RNMT: variants seen among roughly 807,000 people sequenced by gnomAD.
RNMT encodes the protein RNA guanine-7 methyltransferase, also known as mRNA cap guanine-N(7) methyltransferase.
A neutral mutation model predicts 56.0 loss-of-function variants in RNMT; 27 were observed. That is an observed-to-expected ratio of 0.48 (90% CI 0.36 to 0.67). The LOEUF (loss-of-function observed/expected upper bound fraction) is 0.67. RNMT is among the 30% of genes least tolerant of loss of function. The pLI, the probability that RNMT is intolerant of heterozygous loss-of-function variation, is 0.00. For missense variants in RNMT, 519 were observed against 552.1 expected, an observed-to-expected ratio of 0.94 and a Z score of 0.60; for synonymous variants, 184 against 176.2, an observed-to-expected ratio of 1.04 and a Z score of -0.35.
rs2043960143 is a variant in RNMT at position 13,726,748 on chromosome 18, A to G, written c.-172+19A>G. The G allele has an allele frequency of 6.6e-6, 1 of 152,062 alleles. No homozygotes were observed. The highest frequency in any genetic ancestry group is 2.4e-5 in the African/African-American group (1 of 41,352). The allele number at this position is 152,062 out of a possible 1,614,324, so 9.4% of individuals were successfully genotyped here. A position where few individuals can be genotyped will look rare whatever the true frequency, so the allele number is the denominator to read the frequency against. ...TGTGCTGGTGAGTGTGACGGCTGGA[A>G]CTCCGGCCCTTCCTTTCTTTGTGTT... On this transcript the variant is annotated intron_variant, in intron 1 of 11. Coordinates refer to ENST00000383314, the MANE Select transcript of RNMT (RefSeq NM_003799.3).
Position 13,731,861 on chromosome 18 carries a change from A to C in RNMT, c.344A>C (p.Asp115Ala). Residue 115 changes from aspartate to alanine, a missense_variant, in exon 3 of 12, where the codon GAT (aspartate) becomes GCT (alanine). Transcript: ENST00000383314. ...AGAGAAACTGAGGATGTTCCAAAAG[A>C]TAAATCTTCTACTGGAGATGGCACT... ...RKRETEDVPK[D>A]KSSTGDGTQN... 1 of 1,612,534 alleles carries C rather than the reference A, an allele frequency of 6.2e-7. No individual in the cohort carries two copies. Among genetic ancestry groups the C allele is most frequent in the South Asian group, 1.1e-5 (1 of 90,598 alleles).
rs1175418234 is a variant in RNMT, at chr18:13,737,196, G to A, written c.679+61G>A. On this transcript the variant is annotated intron_variant, in intron 5 of 11. Coordinates refer to ENST00000383314, the MANE Select transcript of RNMT (RefSeq NM_003799.3). ...TAGTCAGATAAATGGAAAATAAGAA[G>A]GATTGTCTCAAATTGCAAGATATCT... The A allele has an allele frequency of 4.2e-6, 6 of 1,443,346 alleles. No homozygotes were observed. In the African/African-American group the frequency reaches 4.3e-5, roughly 10 times the overall value. The allele number at this position is 1,443,346 out of a possible 1,614,324, so 89.4% of individuals were successfully genotyped here. A position where few individuals can be genotyped will look rare whatever the true frequency, so the allele number is the denominator to read the frequency against.
chr18:13,741,033 T>G (rs2044243229), intron 6 of RNMT, among the ~76,000 whole-genome samples: 1 of 152,266 alleles, frequency 6.6e-6, no homozygotes, highest in African/African-American at 2.4e-5. Context: ...CTTCATTGAC[T>G]TATTGACTCA....
Position 13,762,007 on chromosome 18 carries a change from C to T in RNMT, c.*2028C>T. On this transcript the variant is annotated 3_prime_UTR_variant, in exon 12 of 12. Coordinates refer to ENST00000383314, the MANE Select transcript of RNMT (RefSeq NM_003799.3). ...CTAGTAGGACTCTTCCTTGACACAC[C>T]TTGTCGTCTAAATGTTCGGTATTCT... 1.3e-6 allele frequency: 2 copies of T among 1,535,848 alleles called. No individual in the cohort carries two copies. The highest frequency in any genetic ancestry group is 1.2e-5 in the South Asian group (1 of 84,048).
chr18:13,732,432 C>T lies in RNMT; in HGVS notation c.417+498C>T, dbSNP rs186342104. ...TAAAGGGATAACTTTTAAAATTATA[C>T]CTAGCTTTACATCCCTTTATTAATG... On this transcript the variant is annotated intron_variant, in intron 3 of 11. Coordinates refer to ENST00000383314, the MANE Select transcript of RNMT (RefSeq NM_003799.3). 1.3e-4 allele frequency among the ~76,000 whole-genome samples: 20 copies of T among 152,198 alleles called. No individual in the cohort carries two copies. In the East Asian group the frequency reaches 3.7e-3, roughly 28 times the overall value.
chr18:13,750,644 T>A (rs1187902184), intron 9 of RNMT, among the ~76,000 whole-genome samples: 3 of 152,020 alleles, frequency 2.0e-5, no homozygotes, highest in South Asian at 2.1e-4. Context: ...TACAAAAAAA[T>A]TTTTAAAAAT....
chr18:13,731,408 CAAA>C, intron 2 of RNMT, 65 bp from the exon 3 acceptor site: 15 of 645,454 alleles, frequency 2.3e-5, no homozygotes, highest in South Asian at 5.7e-5. Context: ...AACTCCGTCT[CAAA>C]AAAAAAAAAA....
intron 8 of RNMT, among the ~76,000 whole-genome samples, chr18:13,743,247 C>T (rs1276409048): frequency 4.0e-5 from 6 of 149,352 alleles, no homozygotes; most frequent in Admixed American, 6.7e-5. Flanking sequence ...GGCATGAACC[C>T]GGGAGGCGGA....
chr18:13,738,565 C>A (rs1370833412), intron 5 of RNMT, among the ~76,000 whole-genome samples: 1 of 152,148 alleles, frequency 6.6e-6, no homozygotes. Flanking sequence ...ACTTTTTATA[C>A]CGTGTAACAT....
chr18:13,730,551 A>C (rs1390375219), intron 1 of RNMT, 76 bp from the exon 2 acceptor site: 1 of 152,258 alleles, frequency 6.6e-6, no homozygotes, highest in South Asian at 2.1e-4. Flanking sequence ...CTGTTTAAAA[A>C]ATTAACACAC....
At chr18:13,753,991 A>G in intron 10 of RNMT, 123 bp from the exon 11 acceptor site, 1 of 597,370 alleles carries the variant, frequency 1.7e-6, no homozygotes, top group South Asian at 2.1e-5. Flanking sequence ...TTAACAGTGA[A>G]TCGAATGTGT....
chr18:13,739,776 A>C (rs999008070), intron 5 of RNMT, among the ~76,000 whole-genome samples: 7 of 152,046 alleles, frequency 4.6e-5, no homozygotes, highest in Non-Finnish European at 1.0e-4. Context: ...ATACAGCAAG[A>C]CTCTGTCTCA....
chr18:13,733,287 G>A (rs1437292811), intron 3 of RNMT, among the ~76,000 whole-genome samples: 4 of 152,120 alleles, frequency 2.6e-5, no homozygotes, highest in Non-Finnish European at 5.9e-5. Context: ...AGGGCCTCAG[G>A]AAGCACAAAT....
At chr18:13,746,567 A>G (rs1286195283) in intron 9 of RNMT, among the ~76,000 whole-genome samples, 2 of 152,238 alleles carry the variant, frequency 1.3e-5, no homozygotes, top group African/African-American at 4.8e-5. Context: ...ACTGCTTTAA[A>G]ATAGGATTTC....
chr18:13,727,451 T>G (rs914381733), intron 1 of RNMT, among the ~76,000 whole-genome samples: 1 of 152,060 alleles, frequency 6.6e-6, no homozygotes, highest in Non-Finnish European at 1.5e-5. Context: ...TTGGTTTGGG[T>G]TTTTTTTCCC....
At chr18:13,751,029 C>T (rs888137741) in intron 9 of RNMT, among the ~76,000 whole-genome samples, 4 of 152,134 alleles carry the variant, frequency 2.6e-5, no homozygotes, top group Admixed American at 6.5e-5. Flanking sequence ...AAAACCTAGG[C>T]AATACCATTC....
At chr18:13,752,204 G>T in intron 9 of RNMT, 122 bp from the exon 10 acceptor site, 2 of 622,934 alleles carry the variant, frequency 3.2e-6, no homozygotes, top group South Asian at 2.2e-5. Context: ...TGTATAGTTT[G>T]TATTCCTGAA....
At chr18:13,738,767 C>G (rs768400072) in intron 5 of RNMT, among the ~76,000 whole-genome samples, 1 of 152,206 alleles carries the variant, frequency 6.6e-6, no homozygotes, top group Non-Finnish European at 1.5e-5. Flanking sequence ...GGTTGTAATT[C>G]TTATTTGAAA....
chr18:13,745,296 T>C (rs1176576330), intron 8 of RNMT, among the ~76,000 whole-genome samples: 1 of 152,190 alleles, frequency 6.6e-6, no homozygotes, highest in East Asian at 1.9e-4. Context: ...GGAAAATTCA[T>C]TGAGGGAGAG....
Sources: gnomAD v4.1 joint callset for allele counts (sites outside exome capture counted in the v4.1 genomes callset) on GRCh38, gnomAD v4.1.1 for gene constraint, MANE v1.5 for transcripts, NCBI Gene and HGNC (gene_info 2026-07-23, HGNC 2026-07-21) for gene names.